DISP1: variants seen among roughly 807,000 people sequenced by gnomAD.
DISP1 encodes the protein dispatched RND transporter family member 1.
In DISP1, 30 loss-of-function variants were observed where a neutral mutation model predicts 37.3. The ratio of observed to expected loss-of-function variants is 0.80; its 90% CI spans 0.60 to 1.09. The LOEUF (loss-of-function observed/expected upper bound fraction) is 1.09. Among genes scored for constraint, DISP1 ranks in the 50% least tolerant of loss-of-function variants. DISP1 has a pLI of 0.00. For synonymous variants in DISP1, 634 were observed against 690.2 expected, an observed-to-expected ratio of 0.92 and a Z score of 1.28; for missense variants, 1,598 against 1,879.5, an observed-to-expected ratio of 0.85 and a Z score of 2.77.
intron 1 of DISP1, among the ~76,000 whole-genome samples, chr1:222,844,214 A>C (rs927235577): frequency 3.3e-5 from 5 of 152,140 alleles, no homozygotes; most frequent in Non-Finnish European, 5.9e-5. Context: ...GTAAGACAGC[A>C]TAGTAGCATC....
At chr1:222,834,093 T>C (rs1026830811) in intron 1 of DISP1, among the ~76,000 whole-genome samples, 66 of 152,154 alleles carry the variant, frequency 4.3e-4, no homozygotes, top group African/African-American at 1.5e-3. Context: ...GAGTACAGAC[T>C]TTGTCTATTT....
intron 1 of DISP1, among the ~76,000 whole-genome samples, chr1:222,917,900 C>A (rs1672585081): frequency 6.6e-6 from 1 of 151,994 alleles, no homozygotes; most frequent in Admixed American, 6.6e-5. Context: ...TCCAAGGGGA[C>A]TAAAGTGGGA....
rs1477192306 is a variant in DISP1 at position 222,943,146 on chromosome 1, C to T, written c.323C>T (p.Ala108Val). The T allele has an allele frequency of 1.9e-6, 3 of 1,612,938 alleles. No individual in the cohort carries two copies. The highest frequency in any genetic ancestry group is 2.5e-6 in the Non-Finnish European group (3 of 1,179,050). ...TGCCATCCCGAGGCTGGCCCTGCAG[C>T]ACCCTCTGCTTTGGCCTCGTGTTGC... ...QECHPEAGPA[A>V]PSALASCCMQ... The change falls in exon 3 of 9, where the codon GCA (alanine) becomes GTA (valine). Residue 108 changes from alanine (A) to valine (V), a missense_variant. Physicochemically the swap from Ala to Val is moderately conservative, Grantham distance 64 (BLOSUM62 0). Coordinates refer to ENST00000675850, the MANE Select transcript of DISP1 (RefSeq NM_001377229.1).
intron 3 of DISP1, among the ~76,000 whole-genome samples, chr1:222,963,938 C>A (rs186390012): frequency 6.6e-6 from 1 of 151,944 alleles, no homozygotes; most frequent in African/African-American, 2.4e-5. Context: ...TAGAAGAATT[C>A]TTAGAATCTC....
Position 223,003,180 on chromosome 1 carries a change from G to A in DISP1, c.1783G>A (p.Glu595Lys), listed in dbSNP as rs896222679. The stretch of plus-strand genomic sequence containing the variant: ...TGATAAGCCTCATGCCGAAACCTCA[G>A]AAACAGTAAGCATCACCTTGCAGCA... ...KFDKPHAETS[E>K]TVSITLQHAA... is the part of the protein sequence containing the mutation. The change falls in exon 9 of 9, where the codon GAA becomes AAA. Residue 595 changes from glutamate to lysine, a missense_variant. Coordinates refer to ENST00000675850, the MANE Select transcript of DISP1 (RefSeq NM_001377229.1). The surrounding 1 kb of genome is among the most constrained non-coding windows in gnomAD (Gnocchi z 4.3). 1 of 1,614,210 alleles carries A rather than the reference G, an allele frequency of 6.2e-7. No homozygotes were observed. Among genetic ancestry groups the A allele is most frequent in the Admixed American group, 1.7e-5 (1 of 60,026 alleles).
At chr1:222,829,377 G>C (rs1014771539) in intron 1 of DISP1, among the ~76,000 whole-genome samples, 2 of 151,640 alleles carry the variant, frequency 1.3e-5, no homozygotes, top group African/African-American at 4.8e-5. Context: ...TTGTTCTTAG[G>C]ACTTAACTTC....
intron 1 of DISP1, among the ~76,000 whole-genome samples, chr1:222,875,383 A>G (rs986242076): frequency 6.6e-6 from 1 of 152,090 alleles, no homozygotes; most frequent in African/African-American, 2.4e-5. Flanking sequence ...GTTTTTTTGT[A>G]TGTGTATTAA....
chr1:222,818,577 A>G (rs1342496297), intron 1 of DISP1, among the ~76,000 whole-genome samples: 1 of 152,236 alleles, frequency 6.6e-6, no homozygotes, highest in African/African-American at 2.4e-5. Context: ...CAGTTGTGGG[A>G]GTTGGCAAGT....
Position 223,002,463 on chromosome 1 carries a change from A to G in DISP1, c.1066A>G (p.Asn356Asp). The G allele has an allele frequency of 6.2e-7, 1 of 1,614,132 alleles. No individual in the cohort carries two copies. The highest frequency in any genetic ancestry group is 8.5e-7 in the Non-Finnish European group (1 of 1,180,032). Residue 356 changes from asparagine to aspartate, a missense_variant, in exon 9 of 9, where the codon AAC becomes GAC. By Grantham distance (23) the Asn-to-Asp change is conservative (BLOSUM62 1). Transcript: ENST00000675850. ...ASCCPSWTLGNYIAILNNRSS... is the reference protein window; with the variant it reads ...ASCCPSWTLGDYIAILNNRSS... ...CTGCTGCCCCAGCTGGACACTGGGA[A>G]ACTACATCGCCATTCTGAACAATAG... is the stretch of plus-strand genomic sequence containing the variant.
In DISP1 at chr1:223,003,821, G is replaced by A. The variant is rs772294630; in HGVS notation, c.2424G>A (p.Gly808=). The A allele has an allele frequency of 1.9e-6, 3 of 1,614,198 alleles. No individual in the cohort carries two copies. Among genetic ancestry groups the A allele is most frequent in the Admixed American group, 1.7e-5 (1 of 60,028 alleles). The change falls in exon 9 of 9, where the codon GGG becomes GGA. Residue 808 remains glycine, a synonymous_variant. Transcript: ENST00000675850. The surrounding 1 kb of genome is among the most constrained non-coding windows in gnomAD (Gnocchi z 4.3). ...ACCCACTAAATCCCAAGAGTAAAGG[G>A]AAGTTGACATTAGATAGCAGTTTTA... ...NGNPLNPKSK[G]KLTLDSSFNI... is the part of the protein sequence containing the mutation.
intron 8 of DISP1, among the ~76,000 whole-genome samples, chr1:222,999,467 A>G (rs1679292342): frequency 6.6e-6 from 1 of 152,048 alleles, no homozygotes; most frequent in South Asian, 2.1e-4. Context: ...GTGTTTCTGT[A>G]TCTCAGTCAC....
At chr1:222,934,624 A>T (rs1673603568) in intron 2 of DISP1, among the ~76,000 whole-genome samples, 1 of 152,154 alleles carries the variant, frequency 6.6e-6, no homozygotes, top group African/African-American at 2.4e-5. Context: ...AATAATGGAT[A>T]CAGGTATCCC....
intron 1 of DISP1, among the ~76,000 whole-genome samples, chr1:222,912,872 A>T (rs1403234283): frequency 2.0e-5 from 3 of 152,200 alleles, no homozygotes; most frequent in African/African-American, 7.2e-5. Context: ...TGGCAGAGTG[A>T]TAGGGATGTG....
At chr1:222,884,125 C>A (rs1159327860) in intron 1 of DISP1, among the ~76,000 whole-genome samples, 1 of 152,142 alleles carries the variant, frequency 6.6e-6, no homozygotes, top group Non-Finnish European at 1.5e-5. Flanking sequence ...GAATTTGAAT[C>A]ACTTTGGCTC....
At chr1:222,933,485 T>G (rs2125462075) in intron 2 of DISP1, among the ~76,000 whole-genome samples, 1 of 152,092 alleles carries the variant, frequency 6.6e-6, no homozygotes, top group African/African-American at 2.4e-5. Context: ...TTTTCATATT[T>G]CCTGGAACTC....
intron 3 of DISP1, among the ~76,000 whole-genome samples, chr1:222,947,880 G>T (rs528602524): frequency 8.5e-5 from 13 of 152,158 alleles, no homozygotes; most frequent in Admixed American, 5.9e-4. Flanking sequence ...ACACTATAAG[G>T]CTTGTTGCAG....
chr1:222,940,325 G>T (rs1355435422), intron 2 of DISP1, among the ~76,000 whole-genome samples: 1 of 152,004 alleles, frequency 6.6e-6, no homozygotes, highest in Non-Finnish European at 1.5e-5. Flanking sequence ...GTTGGCCGGG[G>T]ACATGTGTCA....
rs139605919 is a variant in DISP1 at position 222,959,700 on chromosome 1, CAAA to C, written c.509+16382_509+16384del. Among the ~76,000 whole-genome samples, 495 of 111,790 alleles carry C rather than the reference CAAA, an allele frequency of 4.4e-3. 5 individuals are homozygous for C. The highest frequency in any genetic ancestry group is 0.031 in the Admixed American group (338 of 10,980). 73.3% of individuals were successfully genotyped at this position (111,790 alleles called of 152,430 possible). Reference sequence around the variant, plus strand: ...GGGCAACAAGAGCAAAACTCTGTCTCAAAAAAAAAAAAAAAAGAAAGAAAAGAA... The same window carrying C: ...GGGCAACAAGAGCAAAACTCTGTCTCAAAAAAAAAAAAAGAAAGAAAAGAA... On this transcript the variant is annotated intron_variant, in intron 3 of 8. Coordinates refer to ENST00000675850, the MANE Select transcript of DISP1 (RefSeq NM_001377229.1).
rs377681449 is a variant in DISP1, at chr1:222,888,426, A to G, written c.-158-40004A>G. On this transcript the variant is annotated intron_variant, in intron 1 of 8. Coordinates refer to ENST00000675850, the MANE Select transcript of DISP1 (RefSeq NM_001377229.1). ...GCTGAAGAAGCCAATCTTAAGGAAA[A>G]GTTTTTTTAAAGTACAATTTTCTTT... is the stretch of plus-strand genomic sequence containing the variant. Among the ~76,000 whole-genome samples the G allele has an allele frequency of 1.6e-4, 25 of 152,314 alleles. No homozygotes were observed. The South Asian group carries it at 5.2e-3, about 32-fold the overall frequency.
Sources: gnomAD v4.1 joint callset for allele counts (sites outside exome capture counted in the v4.1 genomes callset) on GRCh38, gnomAD v4.1.1 for gene constraint, Gnocchi (gnomAD v3.1) non-coding constraint, MANE v1.5 for transcripts, NCBI Gene and HGNC (gene_info 2026-07-23, HGNC 2026-07-21) for gene names.